The following ERCC2 variants were observed in gnomAD, a reference collection of about 807,000 sequenced individuals.
ERCC2 encodes the protein general transcription and DNA repair factor IIH helicase subunit XPD.
In ERCC2, 90 loss-of-function variants were observed where a neutral mutation model predicts 99.4. That is an observed-to-expected ratio of 0.91 (90% CI 0.76 to 1.08). The LOEUF (loss-of-function observed/expected upper bound fraction) is 1.08, where lower values mean the gene tolerates loss of function less well. ERCC2 is among the 50% of genes least tolerant of loss of function. The pLI is 0.00. For missense variants in ERCC2, 993 were observed against 1,038.1 expected, an observed-to-expected ratio of 0.96 and a Z score of 0.60; for synonymous variants, 497 against 432.4, an observed-to-expected ratio of 1.15 and a Z score of -1.85.
chr19:45,358,651 C>T (rs1423667030), intron 12 of ERCC2: 2 of 606,912 alleles, frequency 3.3e-6, no homozygotes, highest in Admixed American at 5.1e-5. Context: ...TGGAAAACCT[C>T]CCAAGGCTGC....
Position 45,357,324 on chromosome 19 carries a change from G to A in ERCC2, c.1425C>T (p.Pro475=), listed in dbSNP as rs771709771. Residue 475 remains proline (P), a synonymous_variant, in exon 15 of 23, where the codon CCC becomes CCT. Coordinates refer to ENST00000391945, the MANE Select transcript of ERCC2 (RefSeq NM_000400.4). The part of the protein sequence containing the change: ...DIYPKILDFH[P]VTMATFTMTL... Reference sequence around the variant, plus strand: ...TCATGGTGAAGGTTGCCATGGTGACGGGGTGGAAGTCCAGGATCTTGGGGT... The same window carrying A: ...TCATGGTGAAGGTTGCCATGGTGACAGGGTGGAAGTCCAGGATCTTGGGGT... The A allele has an allele frequency of 1.5e-5, 24 of 1,614,042 alleles. No homozygotes were observed. Among genetic ancestry groups the A allele is most frequent in the East Asian group, 1.3e-4 (6 of 44,884 alleles).
chr19:45,354,669 A>T (rs1488197023), intron 17 of ERCC2, 61 bp downstream of exon 17: 1 of 1,605,538 alleles, frequency 6.2e-7, no homozygotes. Context: ...TGAAGCTGAC[A>T]TAGCGGTGCA....
rs572326676 is a variant in ERCC2 at position 45,350,814 on chromosome 19, C to G, written c.*815G>C. 249 of 1,349,050 alleles carry G rather than the reference C, an allele frequency of 1.8e-4. 1 individual carries two copies. In the African/African-American group the frequency reaches 2.9e-3, roughly 16 times the overall value. 83.6% of individuals were successfully genotyped at this position (1,349,050 alleles called of 1,614,324 possible). On this transcript the variant is annotated 3_prime_UTR_variant, in exon 23 of 23. Coordinates refer to ENST00000391945, the MANE Select transcript of ERCC2 (RefSeq NM_000400.4). Reference sequence around the variant, plus strand: ...GAATCCACAGCCCACCCCACCCCCACCCCCATCTTGCTCAAGAACCTTCCA... The same window carrying G: ...GAATCCACAGCCCACCCCACCCCCAGCCCCATCTTGCTCAAGAACCTTCCA...
chr19:45,370,504 C>T (rs1395476966), intron 1 of ERCC2, 32 bp downstream of exon 1: 2 of 1,578,140 alleles, frequency 1.3e-6, no homozygotes, highest in Non-Finnish European at 1.7e-6. Context: ...CCCGCGCCCG[C>T]TAGCGAGCGC....
chr19:45,364,582 GCCAC>G, intron 7 of ERCC2, 35 bp from the exon 8 acceptor site: 1 of 1,610,330 alleles, frequency 6.2e-7, no homozygotes, highest in Non-Finnish European at 8.5e-7. Flanking sequence ...CCAGGGCCCT[GCCAC>G]CCCAACCCCT....
intron 22 of ERCC2, 102 bp downstream of exon 22, chr19:45,352,107 A>C: frequency 7.6e-7 from 1 of 1,323,256 alleles, no homozygotes; most frequent in South Asian, 1.2e-5. Flanking sequence ...TGAGGGCAGG[A>C]GGACAGGCAG....
At position 45,357,374 on chromosome 19, in the gene ERCC2, G is replaced by C. The variant is rs1186333580; in HGVS notation, c.1378-3C>G. 5 of 1,613,128 alleles carry C rather than the reference G, an allele frequency of 3.1e-6. No homozygotes were observed. On this transcript the variant is annotated splice_polypyrimidine_tract_variant and splice_region_variant and intron_variant, in intron 14 of 22. Transcript: ENST00000391945. ...TAGATGTCCAGCGGGGACAGTGTCTGTGGCGGGACAGTGGGAGGGATCTCA... is the reference window on the plus strand; with the variant it reads ...TAGATGTCCAGCGGGGACAGTGTCTCTGGCGGGACAGTGGGAGGGATCTCA...
Position 45,351,124 on chromosome 19 carries a change from T to C in ERCC2, c.*505A>G, listed in dbSNP as rs1304128029. Reference sequence around the variant, plus strand: ...AGTGGTGGAGTCAGCAGGTGGTGGGTTGGTGTCAGAAGAGACCCAGGACAG... The same window carrying C: ...AGTGGTGGAGTCAGCAGGTGGTGGGCTGGTGTCAGAAGAGACCCAGGACAG... On this transcript the variant is annotated 3_prime_UTR_variant, in exon 23 of 23. Transcript: ENST00000391945. 4 of 1,605,260 alleles carry C rather than the reference T, an allele frequency of 2.5e-6. No homozygotes were observed. Among genetic ancestry groups the C allele is most frequent in the Non-Finnish European group, 3.4e-6 (4 of 1,175,528 alleles).
At chr19:45,364,706 G>A in intron 7 of ERCC2, 132 bp downstream of exon 7, 1 of 1,271,804 alleles carries the variant, frequency 7.9e-7, no homozygotes, top group East Asian at 2.4e-5. Context: ...AACAGATACG[G>A]GCACCCACCA....
In ERCC2 at chr19:45,357,641, G is replaced by C; in HGVS notation, c.1296C>G (p.Ile432Met). The change falls in exon 13 of 23, where the codon ATC becomes ATG. Residue 432 changes from isoleucine to methionine, a missense_variant. This residue lies in a region of ERCC2 where 909 missense variants were observed against 930.8 expected (regional missense o/e 0.98). Transcript: ENST00000391945. Reference sequence around the variant, plus strand: ...GGGCAGGGTCCCACCTGAAGTGCAGGATGGGGTTGGCAATGGTCGGGGTTC... The same window carrying C: ...GGGCAGGGTCCCACCTGAAGTGCAGCATGGGGTTGGCAATGGTCGGGGTTC... Reference protein sequence around the residue: ...DDRTPTIANPILHFSCMDASL... With the variant: ...DDRTPTIANPMLHFSCMDASL... 1 of 1,614,156 alleles carries C rather than the reference G, an allele frequency of 6.2e-7. No individual in the cohort carries two copies. The highest frequency in any genetic ancestry group is 2.2e-5 in the East Asian group (1 of 44,878).
intron 22 of ERCC2, 46 bp from the exon 23 acceptor site, chr19:45,351,767 G>A (rs367825810): frequency 6.4e-7 from 1 of 1,563,038 alleles, no homozygotes; most frequent in Non-Finnish European, 8.8e-7. Context: ...GTTGGGCAGG[G>A]GCCCAGGCAG....
intron 16 of ERCC2, 107 bp downstream of exon 16, chr19:45,355,558 G>C (rs995469689): frequency 9.6e-7 from 1 of 1,041,706 alleles, no homozygotes; most frequent in Admixed American, 1.7e-5. Flanking sequence ...ACTCTGGGCT[G>C]AGCAACTAAG....
intron 15 of ERCC2, 114 bp from the exon 16 acceptor site, chr19:45,355,842 A>G: frequency 2.5e-6 from 2 of 808,366 alleles, no homozygotes; most frequent in East Asian, 2.7e-5. Context: ...TTAAAGAGAG[A>G]CAGGGTGTCA....
chr19:45,352,091 CTTTGCT>C, intron 22 of ERCC2, 112 bp downstream of exon 22: 1 of 1,224,286 alleles, frequency 8.2e-7, no homozygotes, highest in Non-Finnish European at 1.2e-6. Context: ...ATAAACTTCT[CTTTGCT>C]GAGGGCAGGA....
rs3916796 is a variant in ERCC2, at chr19:45,369,291, G to C, written c.106-144C>G. ...GCAGTTAAGATTGGGCAGTGGGTTT[G>C]AACCTCACTTCTGCCTCCTCCTTGT... On this transcript the variant is annotated intron_variant, in intron 2 of 22. Transcript: ENST00000391945. 156 of 713,680 alleles carry C rather than the reference G, an allele frequency of 2.2e-4. No individual in the cohort carries two copies. The East Asian group carries it at 2.6e-3, about 12-fold the overall frequency. 44.2% of individuals were successfully genotyped at this position (713,680 alleles called of 1,614,324 possible).
intron 9 of ERCC2, 46 bp from the exon 10 acceptor site, chr19:45,364,165 G>C (rs372480664): frequency 6.2e-7 from 1 of 1,611,638 alleles, no homozygotes; most frequent in Non-Finnish European, 8.5e-7. Flanking sequence ...GCAACCCTGG[G>C]GACAAGTCAG....
chr19:45,359,788 T>A (rs1251960521), intron 12 of ERCC2, among the ~76,000 whole-genome samples: 1 of 151,982 alleles, frequency 6.6e-6, no homozygotes, highest in South Asian at 2.1e-4. Flanking sequence ...CTCTTTTTTT[T>A]TTTTTGAGAC....
In ERCC2 at chr19:45,350,762, G is replaced by T; in HGVS notation, c.*867C>A. 6.2e-7 allele frequency: 1 copy of T among 1,600,128 alleles called. No homozygotes were observed. Among genetic ancestry groups the T allele is most frequent in the Non-Finnish European group, 8.5e-7 (1 of 1,173,248 alleles). ...GGAGCAGCCGGGTGAGTGTTGATCA[G>T]GTCGGCAAAGAGCCCTGACATCAGC... On this transcript the variant is annotated 3_prime_UTR_variant, in exon 23 of 23. Transcript: ENST00000391945.
Position 45,358,398 on chromosome 19 carries a change from C to T in ERCC2, c.1238-699G>A, listed in dbSNP as rs138276212. 3.8e-5 allele frequency: 8 copies of T among 210,538 alleles called. No individual in the cohort carries two copies. The East Asian group carries it at 6.1e-4, about 16-fold the overall frequency. 13.0% of individuals were successfully genotyped at this position (210,538 alleles called of 1,614,324 possible). A position where few individuals can be genotyped will look rare whatever the true frequency, so the allele number is the denominator to read the frequency against. Reference sequence around the variant, plus strand: ...AAACCTACCTGCAATTCGCCCACTGCCCCCGACCCCACGCGGGGCCAGCCA... The same window carrying T: ...AAACCTACCTGCAATTCGCCCACTGTCCCCGACCCCACGCGGGGCCAGCCA... On this transcript the variant is annotated intron_variant, in intron 12 of 22. Coordinates refer to ENST00000391945, the MANE Select transcript of ERCC2 (RefSeq NM_000400.4).
Sources: allele counts gnomAD v4.1 joint callset (sites outside exome capture counted in the v4.1 genomes callset), GRCh38; gene constraint gnomAD v4.1.1; regional missense constraint gnomAD v4.1.1; transcripts MANE v1.5; gene names NCBI Gene and HGNC (gene_info 2026-07-23, HGNC 2026-07-21).